The following SPAG16 variants were observed in gnomAD, a reference collection of about 807,000 sequenced individuals.
The protein encoded by SPAG16 is sperm associated antigen 16, also known as sperm-associated antigen 16 protein.
SPAG16 carries 86 observed loss-of-function variants against 80.4 expected under a neutral mutation model. The observed-to-expected ratio is 1.07, with a 90% CI of 0.90 to 1.28. SPAG16 has a LOEUF of 1.28. Ranked by LOEUF, SPAG16 falls within the 50% of genes most tolerant of loss-of-function variation. The probability of loss-of-function intolerance (pLI) is 0.00; values close to 1 mark genes in which losing one functional copy is unlikely to be tolerated. For missense variants in SPAG16, 870 were observed against 765.3 expected, an observed-to-expected ratio of 1.14 and a Z score of -1.61; for synonymous variants, 294 against 265.9, an observed-to-expected ratio of 1.11 and a Z score of -1.03.
chr2:214,298,074 C>T (rs997517291), intron 15 of SPAG16, among the ~76,000 whole-genome samples: 1 of 137,048 alleles, frequency 7.3e-6, no homozygotes, highest in Non-Finnish European at 1.6e-5. Context: ...AGATGTATGC[C>T]TATATATATA....
intron 10 of SPAG16, among the ~76,000 whole-genome samples, chr2:213,619,383 A>G (rs112370621): frequency 0.01 from 1,575 of 152,330 alleles, 24 homozygotes; most frequent in African/African-American, 0.035. Context: ...CAGCCTGTAG[A>G]ATAAGAGAGA....
At chr2:213,325,307 A>C (rs2063795575) in intron 5 of SPAG16, among the ~76,000 whole-genome samples, 1 of 152,060 alleles carries the variant, frequency 6.6e-6, no homozygotes, top group Non-Finnish European at 1.5e-5. Flanking sequence ...TATAGGTCAC[A>C]GAGATATTCT....
chr2:213,665,208 G>A (rs904503416), intron 10 of SPAG16, among the ~76,000 whole-genome samples: 1 of 152,078 alleles, frequency 6.6e-6, no homozygotes, highest in African/African-American at 2.4e-5. Context: ...AATGAAATTT[G>A]AGGAGCACAT....
intron 10 of SPAG16, among the ~76,000 whole-genome samples, chr2:213,717,208 G>T (rs1293946135): frequency 6.7e-6 from 1 of 148,356 alleles, no homozygotes; most frequent in South Asian, 2.1e-4. Flanking sequence ...AGGCTGGAGC[G>T]CAGTGGTGCC....
intron 9 of SPAG16, among the ~76,000 whole-genome samples, chr2:213,410,904 G>C (rs767208572): frequency 3.3e-5 from 5 of 152,210 alleles, no homozygotes; most frequent in Non-Finnish European, 7.3e-5. Context: ...GCACCCTGCG[G>C]GTCAGCCCCC....
chr2:214,403,493 G>A (rs1701830336), intron 15 of SPAG16, among the ~76,000 whole-genome samples: 1 of 151,830 alleles, frequency 6.6e-6, no homozygotes, highest in Admixed American at 6.6e-5. Context: ...TTCTTCGTTT[G>A]AAACCTGGTG....
intron 9 of SPAG16, among the ~76,000 whole-genome samples, chr2:213,462,823 G>A (rs759928065): frequency 1.3e-5 from 2 of 152,194 alleles, no homozygotes; most frequent in Non-Finnish European, 2.9e-5. Flanking sequence ...AGCAATGTGA[G>A]AATGGACTAA....
intron 5 of SPAG16, among the ~76,000 whole-genome samples, chr2:213,332,857 A>T (rs904668839): frequency 1.3e-5 from 2 of 152,138 alleles, no homozygotes; most frequent in South Asian, 2.1e-4. Flanking sequence ...AAAATTTGGT[A>T]TGGAAGGAAC....
chr2:213,341,923 A>C (rs1184988281), intron 6 of SPAG16, among the ~76,000 whole-genome samples: 1 of 152,134 alleles, frequency 6.6e-6, no homozygotes, highest in Non-Finnish European at 1.5e-5. Context: ...GAACTTGCAA[A>C]CAGATGAATT....
At chr2:214,107,862 A>T (rs2053461958) in intron 13 of SPAG16, among the ~76,000 whole-genome samples, 1 of 152,128 alleles carries the variant, frequency 6.6e-6, no homozygotes, top group African/African-American at 2.4e-5. Flanking sequence ...CTTTCTAATA[A>T]GGGAGTTCTT....
intron 15 of SPAG16, among the ~76,000 whole-genome samples, chr2:214,282,084 G>A (rs1490244689): frequency 6.6e-6 from 1 of 152,120 alleles, no homozygotes; most frequent in African/African-American, 2.4e-5. Flanking sequence ...TATCTTGATT[G>A]TGATAAAGGC....
chr2:213,768,916 A>C lies in SPAG16; in HGVS notation c.1071-93569A>C, dbSNP rs150616423. On this transcript the variant is annotated intron_variant, in intron 10 of 15. Transcript: ENST00000331683. ...GAAGGGGGTAAGTCAGGAGAAGGCTATAACATAGAGAATCCATAAGAAAAG... is the reference window on the plus strand; with the variant it reads ...GAAGGGGGTAAGTCAGGAGAAGGCTCTAACATAGAGAATCCATAAGAAAAG... Among the ~76,000 whole-genome samples, 143 of 152,314 alleles carry C rather than the reference A, an allele frequency of 9.4e-4. 2 individuals are homozygous for C. Among genetic ancestry groups the C allele is most frequent in the Admixed American group, 1.9e-3 (29 of 15,300 alleles).
intron 9 of SPAG16, among the ~76,000 whole-genome samples, chr2:213,407,596 GGAGAGAGAGAGAGAGA>G (rs66674310): frequency 0.013 from 1,285 of 102,102 alleles, 32 homozygotes; most frequent in African/African-American, 0.048. Context: ...GAGAGAGACA[GGAGAGAGAGAGAGAGA>G]GAGAGAGAGA....
At position 214,391,952 on chromosome 2, in the gene SPAG16, G is replaced by A. The variant is rs150553629; in HGVS notation, c.1721-18188G>A. On this transcript the variant is annotated intron_variant, in intron 15 of 15. Coordinates refer to ENST00000331683, the MANE Select transcript of SPAG16 (RefSeq NM_024532.5). Reference sequence around the variant, plus strand: ...AGGGGCCCTGGACTCAGGAATACAAGGCACAAAATATGAACACAACGCAGA... The same window carrying A: ...AGGGGCCCTGGACTCAGGAATACAAAGCACAAAATATGAACACAACGCAGA... Among the ~76,000 whole-genome samples, 225 of 152,232 alleles carry A rather than the reference G, an allele frequency of 1.5e-3. 1 individual carries two copies. Among genetic ancestry groups the A allele is most frequent in the African/African-American group, 5.1e-3 (212 of 41,534 alleles).
chr2:213,621,034 A>G (rs2061763142), intron 10 of SPAG16, among the ~76,000 whole-genome samples: 1 of 151,950 alleles, frequency 6.6e-6, no homozygotes, highest in Non-Finnish European at 1.5e-5. Context: ...ACTTACCTTT[A>G]ATTTTCTAGT....
chr2:213,487,836 AT>A (rs1315430112), intron 9 of SPAG16, among the ~76,000 whole-genome samples: 1 of 152,048 alleles, frequency 6.6e-6, no homozygotes, highest in Admixed American at 6.5e-5. Flanking sequence ...TAACATAGTA[AT>A]TTACCCTTCC....
chr2:213,468,926 G>A lies in SPAG16; in HGVS notation c.943-21037G>A, dbSNP rs111771655. Among the ~76,000 whole-genome samples the A allele has an allele frequency of 8.4e-3, 1,279 of 152,070 alleles. 17 individuals are homozygous for A. The highest frequency in any genetic ancestry group is 0.029 in the African/African-American group (1,192 of 41,464). On this transcript the variant is annotated intron_variant, in intron 9 of 15. Coordinates refer to ENST00000331683, the MANE Select transcript of SPAG16 (RefSeq NM_024532.5). ...AGCATAGGAGAAAGATGTAGGCTGG[G>A]AGGCTAGGCCATCTGGTCTTTTCAC...
At chr2:213,649,468 T>G (rs2062946361) in intron 10 of SPAG16, among the ~76,000 whole-genome samples, 1 of 152,178 alleles carries the variant, frequency 6.6e-6, no homozygotes, top group African/African-American at 2.4e-5. Context: ...CCACTTATAA[T>G]TTAAAAAAAT....
At chr2:213,296,306 T>A (rs143892007) in intron 2 of SPAG16, among the ~76,000 whole-genome samples, 196 bp downstream of exon 2, 2,156 of 152,256 alleles carry the variant, frequency 0.014, 25 homozygotes, top group Non-Finnish European at 0.016. Flanking sequence ...AATTGGAAAA[T>A]ACATCTGATT....
Sources: gnomAD v4.1 joint callset for allele counts (sites outside exome capture counted in the v4.1 genomes callset) on GRCh38, gnomAD v4.1.1 for gene constraint, MANE v1.5 for transcripts, NCBI Gene and HGNC (gene_info 2026-07-23, HGNC 2026-07-21) for gene names.